RFX3: variants seen among roughly 807,000 people sequenced by gnomAD.
The protein encoded by RFX3 is regulatory factor X3, also known as transcription factor RFX3.
A neutral mutation model predicts 98.6 loss-of-function variants in RFX3; 14 were observed. That is an observed-to-expected ratio of 0.14 (90% confidence interval 0.09 to 0.22). The LOEUF is 0.22. RFX3 is among the 10% of genes least tolerant of loss of function. The pLI, the probability that RFX3 is intolerant of heterozygous loss-of-function variation, is 1.00. For synonymous variants in RFX3, 383 were observed against 328.4 expected (o/e 1.17, Z -1.80); for missense variants, 639 against 926.9 (o/e 0.69, Z 4.03).
chr9:3,437,104 T>C (rs1043089947), intron 1 of RFX3, among the ~76,000 whole-genome samples: 4 of 152,098 alleles, frequency 2.6e-5, no homozygotes, highest in African/African-American at 7.2e-5. Context: ...TTGCTGTAGA[T>C]ATTTAGTTGT....
rs1825986766 is a variant in RFX3, at chr9:3,282,095, G to A, written c.852-4634C>T. 2.6e-5 allele frequency among the ~76,000 whole-genome samples: 4 copies of A among 151,574 alleles called. No individual in the cohort carries two copies. In the South Asian group the frequency reaches 8.3e-4, roughly 31 times the overall value. On this transcript the variant is annotated intron_variant, in intron 7 of 16. Coordinates refer to ENST00000617270, the MANE Select transcript of RFX3 (RefSeq NM_001282116.2). ...AATTGAAATACTGAGCTCAGAACAAGGGCAGGAGGCTAGAATTTTCTACTG... is the reference window on the plus strand; with the variant it reads ...AATTGAAATACTGAGCTCAGAACAAAGGCAGGAGGCTAGAATTTTCTACTG...
At chr9:3,524,862 CACACACACACACA>C (rs1819076119) in intron 1 of RFX3, among the ~76,000 whole-genome samples, 1 of 137,578 alleles carries the variant, frequency 7.3e-6, no homozygotes, top group African/African-American at 2.8e-5. Flanking sequence ...CACACACACA[CACACACACACACA>C]CACCAAAGAA....
intron 4 of RFX3, among the ~76,000 whole-genome samples, chr9:3,324,669 A>T (rs946883222): frequency 7.9e-5 from 12 of 152,070 alleles, no homozygotes; most frequent in African/African-American, 2.2e-4. Flanking sequence ...AATAATACTT[A>T]AAAAACTTGG....
chr9:3,480,644 G>C (rs1350556469), intron 1 of RFX3, among the ~76,000 whole-genome samples: 2 of 152,160 alleles, frequency 1.3e-5, no homozygotes, highest in Non-Finnish European at 2.9e-5. Context: ...TCTATTCTCT[G>C]TTCTTTCCCA....
At position 3,225,158 on chromosome 9, in the gene RFX3, G is replaced by C; in HGVS notation, c.2134C>G (p.Leu712Val). 6.2e-7 allele frequency: 1 copy of C among 1,613,946 alleles called. No individual in the cohort carries two copies. The highest frequency in any genetic ancestry group is 8.5e-7 in the Non-Finnish European group (1 of 1,179,940). Residue 712 changes from leucine (L) to valine (V), a missense_variant, in exon 17 of 17, where the codon CTC becomes GTC. Coordinates refer to ENST00000617270, the MANE Select transcript of RFX3 (RefSeq NM_001282116.2). Reference protein sequence around the residue: ...AFPVGCMQPVLETGVQPSLLN... With the variant: ...AFPVGCMQPVVETGVQPSLLN... Reference sequence around the variant, plus strand: ...AGGCTTGGTTGCACGCCAGTCTCGAGAACAGGCTGCATGCAGCCCACTGGA... The same window carrying C: ...AGGCTTGGTTGCACGCCAGTCTCGACAACAGGCTGCATGCAGCCCACTGGA...
intron 1 of RFX3, among the ~76,000 whole-genome samples, chr9:3,504,951 T>TATATAATATATAATATATATAATATA (rs1816745861): frequency 5.0e-5 from 3 of 59,722 alleles, no homozygotes; most frequent in African/African-American, 9.1e-5. Flanking sequence ...TATAATATAA[T>TATATAATATATAATATATATAATATA]ATATATTATA....
chr9:3,429,304 G>C (rs1183884101), intron 1 of RFX3, among the ~76,000 whole-genome samples: 3 of 150,926 alleles, frequency 2.0e-5, no homozygotes, highest in African/African-American at 7.3e-5. Context: ...TTACAGGCGT[G>C]AGCCACCGCG....
At chr9:3,414,928 G>A (rs1397151372) in intron 1 of RFX3, among the ~76,000 whole-genome samples, 1 of 131,844 alleles carries the variant, frequency 7.6e-6, no homozygotes, top group East Asian at 2.2e-4. Context: ...ATACTCATAT[G>A]TGTGTATATA....
intron 2 of RFX3, among the ~76,000 whole-genome samples, chr9:3,361,662 A>G (rs894094277): frequency 1.8e-4 from 15 of 84,862 alleles, no homozygotes; most frequent in South Asian, 1.0e-3. Flanking sequence ...TTTCTTTAGG[A>G]AAAAAAAAAA....
At chr9:3,404,361 A>C (rs1587537385) in intron 1 of RFX3, among the ~76,000 whole-genome samples, 1 of 152,306 alleles carries the variant, frequency 6.6e-6, no homozygotes, top group African/African-American at 2.4e-5. Flanking sequence ...GACTATAGCC[A>C]ATACTGTAAA....
At chr9:3,467,023 A>C (rs1848284343) in intron 1 of RFX3, among the ~76,000 whole-genome samples, 1 of 126,418 alleles carries the variant, frequency 7.9e-6, no homozygotes, top group Non-Finnish European at 1.6e-5. Context: ...CCTAAATCTA[A>C]AGAATTATAT....
chr9:3,329,407 C>CAAAAAAAAAAAAAAAAAAAAAA (rs1202028884), intron 4 of RFX3, among the ~76,000 whole-genome samples: 7 of 38,132 alleles, frequency 1.8e-4, no homozygotes, highest in Admixed American at 2.8e-4. Context: ...GACTTCATCT[C>CAAAAAAAAAAAAAAAAAAAAAA]AAAAAAAAAA....
At chr9:3,283,857 C>T (rs113445437) in intron 7 of RFX3, among the ~76,000 whole-genome samples, 2 of 151,342 alleles carry the variant, frequency 1.3e-5, no homozygotes, top group Non-Finnish European at 3.0e-5. Flanking sequence ...AATTTTATTA[C>T]GTGTATTTCT....
At chr9:3,311,233 G>C (rs989462793) in intron 4 of RFX3, among the ~76,000 whole-genome samples, 1 of 152,162 alleles carries the variant, frequency 6.6e-6, no homozygotes, top group African/African-American at 2.4e-5. Context: ...TTTCTCTTCT[G>C]ATCTTCAGGA....
intron 1 of RFX3, among the ~76,000 whole-genome samples, chr9:3,477,811 A>AT (rs1849401885): frequency 6.6e-6 from 1 of 152,196 alleles, no homozygotes; most frequent in South Asian, 2.1e-4. Flanking sequence ...ATGGAGTCAC[A>AT]TAAGTCTTTT....
intron 15 of RFX3, among the ~76,000 whole-genome samples, chr9:3,245,073 A>G (rs1377368082): frequency 1.3e-5 from 2 of 152,216 alleles, no homozygotes. Flanking sequence ...AAAGTCCTTT[A>G]TTGTTTCCAG....
intron 2 of RFX3, among the ~76,000 whole-genome samples, chr9:3,365,865 A>G (rs1034235621): frequency 1.3e-5 from 2 of 151,922 alleles, no homozygotes; most frequent in Admixed American, 1.3e-4. Flanking sequence ...GAGAGTTAAC[A>G]CTAACTGCCA....
At chr9:3,434,125 T>G (rs915703679) in intron 1 of RFX3, among the ~76,000 whole-genome samples, 3 of 152,160 alleles carry the variant, frequency 2.0e-5, no homozygotes, top group African/African-American at 7.2e-5. Context: ...CTGACGATAC[T>G]ATTCAGAGAA....
At chr9:3,438,908 G>T (rs1163780077) in intron 1 of RFX3, among the ~76,000 whole-genome samples, 1 of 151,830 alleles carries the variant, frequency 6.6e-6, no homozygotes, top group Admixed American at 6.6e-5. Context: ...CAGAAACCAA[G>T]ATTTATAATA....
Sources: allele counts gnomAD v4.1 joint callset (sites outside exome capture counted in the v4.1 genomes callset), GRCh38; gene constraint gnomAD v4.1.1; transcripts MANE v1.5; gene names NCBI Gene and HGNC (gene_info 2026-07-23, HGNC 2026-07-21).